GAP43: variants seen among roughly 807,000 people sequenced by gnomAD.
The protein encoded by GAP43 is growth associated protein 43, also known as neuromodulin.
GAP43 carries 6 observed loss-of-function variants against 18.6 expected under a neutral mutation model. The ratio of observed to expected loss-of-function variants is 0.32; its 90% CI spans 0.18 to 0.64. The LOEUF is 0.64. GAP43 is among the 30% of genes least tolerant of loss of function. The pLI is 0.78. For missense variants in GAP43, 292 were observed against 295.5 expected, an observed-to-expected ratio of 0.99 and a Z score of 0.09; for synonymous variants, 115 against 111.4, an observed-to-expected ratio of 1.03 and a Z score of -0.20.
chr3:115,677,699 T>C (rs1708910562), intron 2 of GAP43, among the ~76,000 whole-genome samples: 1 of 152,226 alleles, frequency 6.6e-6, no homozygotes, highest in African/African-American at 2.4e-5. Context: ...CGCCTCGGTT[T>C]AACCAATGAT....
chr3:115,629,408 CT>C (rs35316613), intron 1 of GAP43, among the ~76,000 whole-genome samples: 317 of 144,600 alleles, frequency 2.2e-3, no homozygotes, highest in Middle Eastern at 3.6e-3. Context: ...CCCCCCTGCT[CT>C]TTTTTTTTTT....
intron 2 of GAP43, among the ~76,000 whole-genome samples, chr3:115,683,147 G>GCACGCA (rs1708983607): frequency 7.8e-6 from 1 of 127,396 alleles, no homozygotes; most frequent in Non-Finnish European, 1.7e-5. Flanking sequence ...GCGCGCGCGC[G>GCACGCA]CACACACACA....
intron 2 of GAP43, among the ~76,000 whole-genome samples, chr3:115,717,669 C>CT (rs56359297): frequency 0.07 from 9,490 of 135,580 alleles, 437 homozygotes; most frequent in Non-Finnish European, 0.11. Flanking sequence ...AAGGATTTTG[C>CT]TTTTTTTTTT....
At chr3:115,635,809 G>A (rs1708321621) in intron 1 of GAP43, among the ~76,000 whole-genome samples, 1 of 151,782 alleles carries the variant, frequency 6.6e-6, no homozygotes, top group South Asian at 2.1e-4. Context: ...TCTTCACTTA[G>A]TGGAACGAAA....
At chr3:115,647,815 T>A (rs1051246821) in intron 1 of GAP43, among the ~76,000 whole-genome samples, 1 of 150,458 alleles carries the variant, frequency 6.6e-6, no homozygotes, top group African/African-American at 2.4e-5. Flanking sequence ...AGCTTTTGGC[T>A]AGGGGAGCAA....
chr3:115,676,763 C>T (rs1002664684), intron 2 of GAP43, among the ~76,000 whole-genome samples, 153 bp downstream of exon 2: 3 of 152,122 alleles, frequency 2.0e-5, no homozygotes, highest in Admixed American at 1.3e-4. Flanking sequence ...CCCAAAGTGG[C>T]AGGACTAAGA....
At chr3:115,708,516 A>T (rs1378083072) in intron 2 of GAP43, among the ~76,000 whole-genome samples, 1 of 152,146 alleles carries the variant, frequency 6.6e-6, no homozygotes, top group Non-Finnish European at 1.5e-5. Context: ...CTTATAAGAG[A>T]GTGAGAGAAA....
At chr3:115,638,264 A>G (rs1708354611) in intron 1 of GAP43, among the ~76,000 whole-genome samples, 1 of 152,086 alleles carries the variant, frequency 6.6e-6, no homozygotes, top group South Asian at 2.1e-4. Context: ...CAAACTTAAT[A>G]CAAGGCCTAA....
intron 1 of GAP43, among the ~76,000 whole-genome samples, chr3:115,648,237 C>T (rs968156260): frequency 4.6e-5 from 7 of 152,026 alleles, no homozygotes; most frequent in African/African-American, 1.7e-4. Flanking sequence ...TGGCTGTATA[C>T]CTCAACCTTC....
intron 1 of GAP43, among the ~76,000 whole-genome samples, chr3:115,657,353 A>ACTAC (rs543307713): frequency 6.7e-4 from 102 of 152,366 alleles, no homozygotes; most frequent in African/African-American, 2.4e-3. Flanking sequence ...ATTTTGTTCA[A>ACTAC]CTACCCATAG....
chr3:115,720,724 T>C, intron 2 of GAP43, 70 bp from the exon 3 acceptor site: 2 of 957,420 alleles, frequency 2.1e-6, no homozygotes, highest in South Asian at 2.8e-5. Context: ...ATTGCACTGT[T>C]GTATGAGCAG....
At chr3:115,679,687 G>A (rs554852258) in intron 2 of GAP43, among the ~76,000 whole-genome samples, 4 of 152,216 alleles carry the variant, frequency 2.6e-5, no homozygotes, top group East Asian at 1.9e-4. Context: ...TCTCTCTTAC[G>A]TCTCCTCTTC....
In GAP43 at chr3:115,647,758, C is replaced by CAAAAA. The variant is rs111391501; in HGVS notation, c.30+24047_30+24051dup. ...ACAAAAACAAAACAAAACAAAAAAA[C>CAAAAA]AAAAAAAAAAAACGGCCTGATAGGG... On this transcript the variant is annotated intron_variant, in intron 1 of 2. Coordinates refer to ENST00000305124, the MANE Select transcript of GAP43 (RefSeq NM_002045.4). Among the ~76,000 whole-genome samples the CAAAAA allele has an allele frequency of 7.6e-5, 10 of 132,096 alleles. No homozygotes were observed. In the South Asian group the frequency reaches 9.3e-4, roughly 12 times the overall value. 86.7% of individuals were successfully genotyped at this position (132,096 alleles called of 152,430 possible). A position where few individuals can be genotyped will look rare whatever the true frequency, so the allele number is the denominator to read the frequency against.
intron 1 of GAP43, among the ~76,000 whole-genome samples, chr3:115,631,637 T>G (rs1020089237): frequency 6.6e-5 from 10 of 152,192 alleles, no homozygotes; most frequent in Admixed American, 6.5e-4. Context: ...TTTGTTTGTT[T>G]TTTGAGATGG....
At chr3:115,709,784 T>C (rs1463960990) in intron 2 of GAP43, among the ~76,000 whole-genome samples, 1 of 152,062 alleles carries the variant, frequency 6.6e-6, no homozygotes, top group Non-Finnish European at 1.5e-5. Context: ...TTTATAGCAC[T>C]TTAAAGTCTC....
intron 2 of GAP43, among the ~76,000 whole-genome samples, chr3:115,683,128 CGCGCGT>C (rs199543557): frequency 0.087 from 10,826 of 123,856 alleles, 586 homozygotes; most frequent in Non-Finnish European, 0.11. Context: ...TACATGTGCG[CGCGCGT>C]GCGCGCGCGC....
intron 1 of GAP43, among the ~76,000 whole-genome samples, chr3:115,639,646 T>A (rs1708373475): frequency 6.6e-6 from 1 of 152,082 alleles, no homozygotes; most frequent in South Asian, 2.1e-4. Flanking sequence ...GGGGGAAGTA[T>A]CCATCTGTCT....
At chr3:115,711,512 C>G (rs1056316450) in intron 2 of GAP43, among the ~76,000 whole-genome samples, 1 of 132,390 alleles carries the variant, frequency 7.6e-6, no homozygotes, top group African/African-American at 2.6e-5. Flanking sequence ...CACACACACA[C>G]CCCCCTACAG....
intron 1 of GAP43, among the ~76,000 whole-genome samples, chr3:115,668,501 C>A (rs560591889): frequency 8.5e-5 from 13 of 152,080 alleles, no homozygotes; most frequent in African/African-American, 3.1e-4. Flanking sequence ...CTCAGCTCAT[C>A]GCAACCTCCG....
Sources: gnomAD v4.1 joint callset for allele counts (sites outside exome capture counted in the v4.1 genomes callset) on GRCh38, gnomAD v4.1.1 for gene constraint, MANE v1.5 for transcripts, NCBI Gene and HGNC (gene_info 2026-07-23, HGNC 2026-07-21) for gene names.